Variants in UACA observed in about 807,000 individuals in gnomAD.
UACA encodes the protein uveal autoantigen with coiled-coil domains and ankyrin repeats.
UACA carries 112 observed loss-of-function variants against 160.5 expected under a neutral mutation model. That is an observed-to-expected ratio of 0.70 (90% confidence interval 0.60 to 0.82). The LOEUF (loss-of-function observed/expected upper bound fraction) is 0.82, where lower values mean the gene tolerates loss of function less well. Among genes scored for constraint, UACA ranks in the 40% least tolerant of loss-of-function variants. The pLI is 0.00. For synonymous variants in UACA, 557 were observed against 568.4 expected (o/e 0.98, Z 0.29); for missense variants, 1,574 against 1,614.6 (o/e 0.97, Z 0.43).
Position 70,671,040 on chromosome 15 carries a change from T to C in UACA, c.1220A>G (p.Gln407Arg). 3 of 1,540,768 alleles carry C rather than the reference T, an allele frequency of 1.9e-6. No homozygotes were observed. Among genetic ancestry groups the C allele is most frequent in the African/African-American group, 2.8e-5 (2 of 71,858 alleles). ...KQGQMYMADS[Q>R]CTSPGIPAHM... Reference sequence around the variant, plus strand: ...ATTAAAAAAAAAAACAGTTATTACCTGTGAGTCTGCCATATACATCTGACC... The same window carrying C: ...ATTAAAAAAAAAAACAGTTATTACCCGTGAGTCTGCCATATACATCTGACC... Residue 407 changes from glutamine (Q) to arginine (R), a missense_variant and splice_region_variant, in exon 15 of 19, where the codon CAG becomes CGG. Coordinates refer to ENST00000322954, the MANE Select transcript of UACA (RefSeq NM_018003.4).
upstream of UACA, among the ~76,000 whole-genome samples, chr15:70,767,106 G>C (rs1000053508): frequency 1.3e-5 from 2 of 151,722 alleles, no homozygotes; most frequent in Admixed American, 1.3e-4. Context: ...CAGGCGTGGT[G>C]GCAGGCACCT....
rs1183755247 is a variant in UACA at position 70,668,434 on chromosome 15, A to C, written c.2250T>G (p.Ser750Arg). Residue 750 changes from serine (S) to arginine (R), a missense_variant, in exon 16 of 19, where the codon AGT becomes AGG. Ser to Arg is a moderately radical substitution (Grantham distance 110). Coordinates refer to ENST00000322954, the MANE Select transcript of UACA (RefSeq NM_018003.4). ...MKNHYVPLKV[S>R]EDMKKSHDAI... ...CATCATGTGACTTTTTCATGTCTTC[A>C]CTTACTTTTAAAGGAACATAATGAT... 1 of 1,612,142 alleles carries C rather than the reference A, an allele frequency of 6.2e-7. No homozygotes were observed. The highest frequency in any genetic ancestry group is 1.7e-5 in the Admixed American group (1 of 59,828).
intron 1 of UACA, among the ~76,000 whole-genome samples, chr15:70,738,286 C>G (rs560853359): frequency 3.4e-4 from 52 of 151,688 alleles, no homozygotes; most frequent in Admixed American, 3.2e-3. Flanking sequence ...TGTACCCTTG[C>G]CTCCCCCTAC....
chr15:70,668,448 G>A lies in UACA; in HGVS notation c.2236C>T (p.Pro746Ser). The A allele has an allele frequency of 6.2e-7, 1 of 1,612,024 alleles. No homozygotes were observed. Among genetic ancestry groups the A allele is most frequent in the Non-Finnish European group, 8.5e-7 (1 of 1,179,828 alleles). The stretch of plus-strand genomic sequence containing the variant: ...TTCATGTCTTCACTTACTTTTAAAG[G>A]AACATAATGATTTTTCATTTCAATT... Reference protein sequence around the residue: ...LTIEMKNHYVPLKVSEDMKKS... With the variant: ...LTIEMKNHYVSLKVSEDMKKS... Residue 746 changes from proline to serine, a missense_variant, in exon 16 of 19, where the codon CCT becomes TCT. Physicochemically the swap from Pro to Ser is moderately conservative, Grantham distance 74. Coordinates refer to ENST00000322954, the MANE Select transcript of UACA (RefSeq NM_018003.4).
chr15:70,659,439 T>A (rs4462548), intron 18 of UACA, among the ~76,000 whole-genome samples: 1 of 138,020 alleles, frequency 7.2e-6, no homozygotes, highest in African/African-American at 2.7e-5. Flanking sequence ...TTTTACAGTG[T>A]GGCCTAACAT....
intron 5 of UACA, among the ~76,000 whole-genome samples, chr15:70,688,833 T>C (rs1897824046): frequency 6.6e-6 from 1 of 152,008 alleles, no homozygotes; most frequent in Admixed American, 6.6e-5. Flanking sequence ...ATCCTCTCCT[T>C]TGGGAGTATG....
chr15:70,729,544 G>A (rs1224027755), intron 1 of UACA, among the ~76,000 whole-genome samples: 1 of 142,220 alleles, frequency 7.0e-6, no homozygotes, highest in Admixed American at 6.7e-5. Flanking sequence ...GGGACCCACC[G>A]AGCTCCCAGG....
intron 13 of UACA, among the ~76,000 whole-genome samples, chr15:70,673,699 C>T (rs1897213934): frequency 1.3e-5 from 2 of 151,970 alleles, no homozygotes; most frequent in Admixed American, 6.6e-5. Context: ...ATCCATTTTC[C>T]CCATATTTTT....
rs1897016858 is a variant in UACA, at chr15:70,668,504, T to G, written c.2180A>C (p.Lys727Thr). ...KEIEKVYLDN[K>T]LLKEQAHNLT... ...GTTATGTGCTTGCTCCTTGAGGAGC[T>G]TATTATCCAAATAAACTTTTTCAAT... The change falls in exon 16 of 19, where the codon AAG becomes ACG. Residue 727 changes from lysine (K) to threonine (T), a missense_variant. By Grantham distance (78) the Lys-to-Thr change is moderately conservative. Coordinates refer to ENST00000322954, the MANE Select transcript of UACA (RefSeq NM_018003.4). The G allele has an allele frequency of 6.2e-7, 1 of 1,610,960 alleles. No individual in the cohort carries two copies. Among genetic ancestry groups the G allele is most frequent in the Non-Finnish European group, 8.5e-7 (1 of 1,179,542 alleles).
Position 70,749,925 on chromosome 15 carries a change from G to GCT in UACA, c.78+13403_78+13404dup, listed in dbSNP as rs1016955099. Among the ~76,000 whole-genome samples the GCT allele has an allele frequency of 8.6e-5, 13 of 151,974 alleles. 1 individual carries two copies. The highest frequency in any genetic ancestry group is 7.2e-4 in the Admixed American group (11 of 15,248). On this transcript the variant is annotated intron_variant, in intron 1 of 18. Transcript: ENST00000322954. ...TAACATACAGGAAGATATGGACAGT[G>GCT]CTCTCTCTCTCCCTCTTACAGCGTA... is the stretch of plus-strand genomic sequence containing the variant.
intron 1 of UACA, among the ~76,000 whole-genome samples, chr15:70,753,702 TG>T (rs2030230751): frequency 6.6e-6 from 1 of 152,206 alleles, no homozygotes; most frequent in Non-Finnish European, 1.5e-5. Context: ...TATCAGCACA[TG>T]GATTTCTCAC....
At chr15:70,696,562 A>C (rs566148728) in intron 2 of UACA, among the ~76,000 whole-genome samples, 5 of 152,216 alleles carry the variant, frequency 3.3e-5, no homozygotes, top group African/African-American at 9.6e-5. Context: ...CACCAAGTAA[A>C]GCAGGTTTGT....
At chr15:70,767,444 T>C (rs550350178), upstream of UACA, among the ~76,000 whole-genome samples, 1 of 149,624 alleles carries the variant, frequency 6.7e-6, no homozygotes, top group African/African-American at 2.5e-5. Context: ...AAAAATTAGC[T>C]GGGCGTGGTG....
At chr15:70,701,729 T>C in intron 1 of UACA, 1 of 679,032 alleles carries the variant, frequency 1.5e-6, no homozygotes, top group South Asian at 2.6e-5. Flanking sequence ...TTGTTTACTA[T>C]TACTAACCCC....
chr15:70,754,455 A>G (rs1241826001), intron 1 of UACA, among the ~76,000 whole-genome samples: 1 of 152,184 alleles, frequency 6.6e-6, no homozygotes, highest in Non-Finnish European at 1.5e-5. Context: ...AAGTGTTCTG[A>G]GCATGTTTAA....
chr15:70,763,593 T>G, upstream of UACA: 1 of 1,188,320 alleles, frequency 8.4e-7, no homozygotes, highest in Non-Finnish European at 1.1e-6. Context: ...CGTAGCCAAT[T>G]GACCCGCTGC....
In UACA at chr15:70,666,934, C is replaced by T. The variant is rs1896931289; in HGVS notation, c.3750G>A (p.Leu1250=). ...CACATACTTCCTCATACTTTCTATT[C>T]AGATTGGCCAATTTTTCATTTAAGC... is the stretch of plus-strand genomic sequence containing the variant. ...ISSLNEKLAN[L]NRKYEEVCEE... The change falls in exon 16 of 19, where the codon CTG becomes CTA. Residue 1250 remains leucine, a synonymous_variant. Transcript: ENST00000322954. The T allele has an allele frequency of 3.7e-6, 6 of 1,612,440 alleles. No individual in the cohort carries two copies. The highest frequency in any genetic ancestry group is 5.1e-6 in the Non-Finnish European group (6 of 1,179,700).
chr15:70,717,292 A>G (rs1463421525), intron 1 of UACA, among the ~76,000 whole-genome samples: 1 of 152,240 alleles, frequency 6.6e-6, no homozygotes, highest in East Asian at 1.9e-4. Flanking sequence ...ACTTGAATGG[A>G]AACACTAAAC....
intron 3 of UACA, among the ~76,000 whole-genome samples, chr15:70,692,781 AC>A (rs1897985576): frequency 6.6e-6 from 1 of 152,126 alleles, no homozygotes; most frequent in African/African-American, 2.4e-5. Flanking sequence ...AAAAACAAAA[AC>A]AAAAACACCA....
Sources: gnomAD v4.1 joint callset for allele counts (sites outside exome capture counted in the v4.1 genomes callset) on GRCh38, gnomAD v4.1.1 for gene constraint, MANE v1.5 for transcripts, NCBI Gene and HGNC (gene_info 2026-07-23, HGNC 2026-07-21) for gene names.